Variants in JMY observed in about 807,000 individuals in gnomAD.
JMY encodes junction-mediating and -regulatory protein.
JMY carries 46 observed loss-of-function variants against 103.3 expected under a neutral mutation model. The observed-to-expected ratio is 0.45, with a 90% CI of 0.35 to 0.57. The LOEUF (loss-of-function observed/expected upper bound fraction) is 0.57, where lower values mean the gene tolerates loss of function less well. Among genes scored for constraint, JMY ranks in the 20% least tolerant of loss-of-function variants. JMY has a pLI of 0.00. For synonymous variants in JMY, 526 were observed against 489.3 expected (o/e 1.07, Z -0.99); for missense variants, 1,238 against 1,255.2 (o/e 0.99, Z 0.21).
intron 1 of JMY, among the ~76,000 whole-genome samples, chr5:79,260,150 G>A (rs1226057893): frequency 1.3e-5 from 2 of 152,222 alleles, no homozygotes; most frequent in Non-Finnish European, 2.9e-5. Context: ...CCCAGGGCTG[G>A]CCTCACAAGT....
rs536361091 is a variant in JMY, at chr5:79,293,504, AT to A, written c.1527+2206del. ...AACTCATGGCCTCAAGAGACCCCTC[AT>A]GTCATGGACTCCCAAAGTTCTGAGA... On this transcript the variant is annotated intron_variant, in intron 4 of 10. Coordinates refer to ENST00000396137, the MANE Select transcript of JMY (RefSeq NM_152405.5). 3.3e-5 allele frequency among the ~76,000 whole-genome samples: 5 copies of A among 151,798 alleles called. No individual in the cohort carries two copies. The South Asian group carries it at 1.0e-3, about 32-fold the overall frequency.
At chr5:79,314,962 A>G in intron 9 of JMY, 111 bp downstream of exon 9, 2 of 1,012,152 alleles carry the variant, frequency 2.0e-6, no homozygotes, top group Admixed American at 3.3e-5. Context: ...ACATTATTTG[A>G]TAGTAAACAG....
At chr5:79,249,297 C>T (rs569845916) in intron 1 of JMY, among the ~76,000 whole-genome samples, 11 of 152,290 alleles carry the variant, frequency 7.2e-5, no homozygotes, top group Non-Finnish European at 1.3e-4. Flanking sequence ...GCTGGGATTA[C>T]AGGTGTGAGC....
At chr5:79,260,170 A>C (rs370156047) in intron 1 of JMY, among the ~76,000 whole-genome samples, 1 of 152,206 alleles carries the variant, frequency 6.6e-6, no homozygotes, top group Non-Finnish European at 1.5e-5. Flanking sequence ...TCCTAGCTGT[A>C]CCCTTCAGCC....
chr5:79,236,223 CA>C lies in JMY; in HGVS notation c.-427del, dbSNP rs1210690037. ...GGCTCCGGGCTTTCTGCAGCAGCAC[CA>C]GGGGCGGGGGCGGGGATCTTGACCT... On this transcript the variant is annotated 5_prime_UTR_variant, in exon 1 of 11. Transcript: ENST00000396137. 1.9e-5 allele frequency: 3 copies of C among 157,312 alleles called. No homozygotes were observed. The highest frequency in any genetic ancestry group is 4.2e-5 in the Non-Finnish European group (3 of 71,922). The allele number at this position is 157,312 out of a possible 1,614,324, so 9.7% of individuals were successfully genotyped here.
chr5:79,259,445 C>T (rs1580336380), intron 1 of JMY, among the ~76,000 whole-genome samples: 1 of 152,268 alleles, frequency 6.6e-6, no homozygotes, highest in Non-Finnish European at 1.5e-5. Flanking sequence ...AGTCTGACAC[C>T]CAGGCTTCAG....
In JMY at chr5:79,321,842, T is replaced by C. The variant is rs1561319990; in HGVS notation, c.*240T>C. The C allele has an allele frequency of 6.6e-6, 1 of 152,206 alleles. No individual in the cohort carries two copies. The highest frequency in any genetic ancestry group is 1.5e-5 in the Non-Finnish European group (1 of 68,048). 9.4% of individuals were successfully genotyped at this position (152,206 alleles called of 1,614,324 possible). On this transcript the variant is annotated 3_prime_UTR_variant, in exon 11 of 11. Coordinates refer to ENST00000396137, the MANE Select transcript of JMY (RefSeq NM_152405.5). ...TGACTGCAATGAAGAAAAGGCCTTC[T>C]GGAGATTTCTGTTTTTTAAGCACAT...
Position 79,237,207 on chromosome 5 carries a change from C to T in JMY, c.557C>T (p.Ser186Phe). 6.4e-7 allele frequency: 1 copy of T among 1,550,504 alleles called. No individual in the cohort carries two copies. Among genetic ancestry groups the T allele is most frequent in the Non-Finnish European group, 8.7e-7 (1 of 1,146,914 alleles). Reference protein sequence around the residue: ...QVSSVRIVSASGTVSEEIEVL... With the variant: ...QVSSVRIVSAFGTVSEEIEVL... Reference sequence around the variant, plus strand: ...TCCTCTGTACGGATAGTGAGCGCCTCTGGGACGGTCTCCGAGGAGATAGAG... The same window carrying T: ...TCCTCTGTACGGATAGTGAGCGCCTTTGGGACGGTCTCCGAGGAGATAGAG... The change falls in exon 1 of 11, where the codon TCT becomes TTT. Residue 186 changes from serine to phenylalanine, a missense_variant. Ser to Phe is a radical substitution (Grantham distance 155, BLOSUM62 -2). Transcript: ENST00000396137.
intron 1 of JMY, 27 bp downstream of exon 1, chr5:79,237,709 C>G (rs1464623768): frequency 6.3e-7 from 1 of 1,576,828 alleles, no homozygotes; most frequent in Non-Finnish European, 8.6e-7. Flanking sequence ...CTAGTCTGGG[C>G]TCTACTGGTC....
chr5:79,270,589 ATTTAAAATGTATATTTACATAAATG>A (rs1429837581), intron 1 of JMY, among the ~76,000 whole-genome samples: 1 of 59,906 alleles, frequency 1.7e-5, no homozygotes, highest in Non-Finnish European at 4.0e-5. Context: ...TTACATAAAT[ATTTAAAATGTATATTTACATAAATG>A]TTTATATAAA....
chr5:79,284,064 T>G, intron 2 of JMY: 1 of 1,044,006 alleles, frequency 9.6e-7, no homozygotes, highest in Non-Finnish European at 1.3e-6. Context: ...TTTTTTTATT[T>G]TTTTATTTTA....
chr5:79,255,013 A>T (rs1745196759), intron 1 of JMY, among the ~76,000 whole-genome samples: 1 of 151,274 alleles, frequency 6.6e-6, no homozygotes, highest in African/African-American at 2.4e-5. Flanking sequence ...CTCTTTATTA[A>T]GTTTGTCTGA....
intron 1 of JMY, among the ~76,000 whole-genome samples, chr5:79,237,926 T>C (rs556908653): frequency 6.6e-6 from 1 of 152,226 alleles, no homozygotes; most frequent in East Asian, 1.9e-4. Flanking sequence ...AAGTGCGCTC[T>C]GTGTACTACT....
intron 1 of JMY, among the ~76,000 whole-genome samples, chr5:79,245,957 T>C (rs1175586832): frequency 9.9e-5 from 15 of 152,174 alleles, no homozygotes; most frequent in Admixed American, 9.2e-4. Flanking sequence ...TGCAGTAAGA[T>C]GACTGTTGAA....
At chr5:79,276,806 C>A (rs1745950633) in intron 1 of JMY, among the ~76,000 whole-genome samples, 1 of 151,984 alleles carries the variant, frequency 6.6e-6, no homozygotes, top group African/African-American at 2.4e-5. Context: ...GGGGTTTCAC[C>A]ATGTTGGCCA....
At position 79,314,635 on chromosome 5, in the gene JMY, C is replaced by CCCCCCA; in HGVS notation, c.2444_2445insCCCCAC (p.Pro816_Pro817insThrPro). 5 of 1,513,714 alleles carry CCCCCCA rather than the reference C, an allele frequency of 3.3e-6. No individual in the cohort carries two copies. The highest frequency in any genetic ancestry group is 3.6e-6 in the Non-Finnish European group (4 of 1,096,898). The allele number at this position is 1,513,714 out of a possible 1,614,324, so 93.8% of individuals were successfully genotyped here. A position where few individuals can be genotyped will look rare whatever the true frequency, so the allele number is the denominator to read the frequency against. On this transcript the variant is annotated inframe_insertion, in exon 9 of 11. Transcript: ENST00000396137. ...TCTTCCTCCAACACCACCACCTCCC[C>CCCCCCA]CACCTCCTCCCCCTCCCCCACCACC...
chr5:79,262,640 G>A (rs1745459194), intron 1 of JMY, among the ~76,000 whole-genome samples: 3 of 152,144 alleles, frequency 2.0e-5, no homozygotes, highest in Admixed American at 6.5e-5. Context: ...AATTAAAATT[G>A]TTTTTAAGGT....
rs767360509 is a variant in JMY at position 79,237,060 on chromosome 5, A to C, written c.410A>C (p.Glu137Ala). The C allele has an allele frequency of 6.5e-7, 1 of 1,530,966 alleles. No homozygotes were observed. Among genetic ancestry groups the C allele is most frequent in the African/African-American group, 1.4e-5 (1 of 72,420 alleles). The allele number at this position is 1,530,966 out of a possible 1,614,324, so 94.8% of individuals were successfully genotyped here. ...CGGAGTCCTGGCAGCAAAGGGGCGG[A>C]GAGTCGTCTTAGGAGCCCAGTGCGG... Reference protein sequence around the residue: ...RLRSPGSKGAESRLRSPVRAK... With the variant: ...RLRSPGSKGAASRLRSPVRAK... The change falls in exon 1 of 11, where the codon GAG becomes GCG. Residue 137 changes from glutamate (E) to alanine (A), a missense_variant. Glu to Ala is a moderately radical substitution (Grantham distance 107, BLOSUM62 -1). Coordinates refer to ENST00000396137, the MANE Select transcript of JMY (RefSeq NM_152405.5).
chr5:79,260,894 C>G (rs913612002), intron 1 of JMY, among the ~76,000 whole-genome samples: 2 of 152,032 alleles, frequency 1.3e-5, no homozygotes, highest in East Asian at 3.8e-4. Flanking sequence ...ACCAAATGGA[C>G]CTAAAGGCAG....
Sources: allele counts gnomAD v4.1 joint callset (sites outside exome capture counted in the v4.1 genomes callset), GRCh38; gene constraint gnomAD v4.1.1; transcripts MANE v1.5; gene names NCBI Gene and HGNC (gene_info 2026-07-23, HGNC 2026-07-21).